MYBPC2: variants seen among roughly 807,000 people sequenced by gnomAD.
MYBPC2 encodes the protein myosin binding protein C2, also known as myosin-binding protein C, fast-type.
MYBPC2 carries 122 observed loss-of-function variants against 137.0 expected under a neutral mutation model. The observed-to-expected ratio is 0.89, with a 90% confidence interval of 0.77 to 1.03. MYBPC2 has a LOEUF of 1.03. MYBPC2 is among the 50% of genes least tolerant of loss of function. The pLI, the probability that MYBPC2 is intolerant of heterozygous loss-of-function variation, is 0.00. For synonymous variants in MYBPC2, 626 were observed against 612.3 expected (o/e 1.02, Z -0.33); for missense variants, 1,500 against 1,534.4 (o/e 0.98, Z 0.37).
In MYBPC2 at chr19:50,451,139, C is replaced by T. The variant is rs1007237702; in HGVS notation, c.1580-141C>T. ...ACCTGCCGCCCGGGAGGAGGGGTGG[C>T]TCCTGGGCCTGAACCTGTCTCCAGC... On this transcript the variant is annotated intron_variant, in intron 14 of 27. Transcript: ENST00000357701. 6 of 1,107,520 alleles carry T rather than the reference C, an allele frequency of 5.4e-6. No homozygotes were observed. In the African/African-American group the frequency reaches 7.8e-5, roughly 14 times the overall value. The allele number at this position is 1,107,520 out of a possible 1,614,324, so 68.6% of individuals were successfully genotyped here.
At chr19:50,444,871 C>A (rs1210544522) in intron 11 of MYBPC2, among the ~76,000 whole-genome samples, 1 of 113,690 alleles carries the variant, frequency 8.8e-6, no homozygotes, top group Non-Finnish European at 1.7e-5. Flanking sequence ...CACAGCGAGA[C>A]TCCGTCTCAA....
At position 50,454,386 on chromosome 19, in the gene MYBPC2, T is replaced by G; in HGVS notation, c.2014+17T>G. The G allele has an allele frequency of 1.3e-6, 2 of 1,508,522 alleles. No homozygotes were observed. The highest frequency in any genetic ancestry group is 1.8e-6 in the Non-Finnish European group (2 of 1,100,178). The allele number at this position is 1,508,522 out of a possible 1,614,324, so 93.4% of individuals were successfully genotyped here. ...CAGTCACCGGTGAGTGCCTCTGTCCTCATGACCTCTGACCTTCCCTCTTTC... is the reference window on the plus strand; with the variant it reads ...CAGTCACCGGTGAGTGCCTCTGTCCGCATGACCTCTGACCTTCCCTCTTTC... On this transcript the variant is annotated intron_variant, in intron 18 of 27. Coordinates refer to ENST00000357701, the MANE Select transcript of MYBPC2 (RefSeq NM_004533.4).
intron 18 of MYBPC2, 127 bp from the exon 19 acceptor site, chr19:50,454,981 C>A: frequency 1.3e-6 from 1 of 771,848 alleles, no homozygotes. Flanking sequence ...CCCTGAGATC[C>A]ACCTAAGATT....
At position 50,464,360 on chromosome 19, in the gene MYBPC2, G is replaced by C. The variant is rs2039995611; in HGVS notation, c.3243G>C (p.Trp1081Cys). ...ACTCTCAACAGCCGAAGGTGGTCTGGATGAAGAACAAGATGGAAATCCGTG... is the reference window on the plus strand; with the variant it reads ...ACTCTCAACAGCCGAAGGTGGTCTGCATGAAGAACAAGATGGAAATCCGTG... ...VRGHPKPKVV[W>C]MKNKMEIRED... The change falls in exon 27 of 28, where the codon TGG (tryptophan) becomes TGC (cysteine). Residue 1081 changes from tryptophan to cysteine, a missense_variant. By Grantham distance (215) the Trp-to-Cys change is radical. Coordinates refer to ENST00000357701, the MANE Select transcript of MYBPC2 (RefSeq NM_004533.4). 1 of 1,607,344 alleles carries C rather than the reference G, an allele frequency of 6.2e-7. No individual in the cohort carries two copies. Among genetic ancestry groups the C allele is most frequent in the Non-Finnish European group, 8.5e-7 (1 of 1,177,124 alleles).
In MYBPC2 at chr19:50,435,027, AGG is replaced by A; in HGVS notation, c.20-132_20-131del. On this transcript the variant is annotated intron_variant, in intron 1 of 27. Transcript: ENST00000357701. This position sits in a 1 kb window ranked among gnomAD's most constrained non-coding sequence, Gnocchi z 4.8. ...CTGGGGGCCTGGACTCCTGGGTCTG[AGG>A]GAGGAGGGGCTGGGGGCCTGGACTC... 1.8e-6 allele frequency: 1 copy of A among 555,958 alleles called. No homozygotes were observed. The highest frequency in any genetic ancestry group is 2.6e-5 in the African/African-American group (1 of 38,196). 34.4% of individuals were successfully genotyped at this position (555,958 alleles called of 1,614,324 possible). A position where few individuals can be genotyped will look rare whatever the true frequency, so the allele number is the denominator to read the frequency against.
At chr19:50,440,387 G>C (rs1415088842) in intron 7 of MYBPC2, among the ~76,000 whole-genome samples, 1 of 151,062 alleles carries the variant, frequency 6.6e-6, no homozygotes, top group African/African-American at 2.4e-5. Flanking sequence ...CTGCGGACCA[G>C]GCATGGTGGC....
rs747632658 is a variant in MYBPC2, at chr19:50,451,297, G to A, written c.1597G>A (p.Val533Ile). 1.2e-5 allele frequency: 19 copies of A among 1,613,506 alleles called. No homozygotes were observed. Among genetic ancestry groups the A allele is most frequent in the African/African-American group, 6.7e-5 (5 of 74,814 alleles). ...TCTTGCAGAAATCAAGGTGGAGTAC[G>A]TTCCCAAGCAAGGTGAGCACCACGG... The part of the protein sequence containing the change: ...LNFLEIKVEY[V>I]PKQEPPKIHL... The change falls in exon 15 of 28, where the codon GTT becomes ATT. Residue 533 changes from valine (V) to isoleucine (I), a missense_variant. Val to Ile is a conservative substitution (Grantham distance 29, BLOSUM62 3). Coordinates refer to ENST00000357701, the MANE Select transcript of MYBPC2 (RefSeq NM_004533.4).
intron 11 of MYBPC2, among the ~76,000 whole-genome samples, chr19:50,444,131 A>AGTCC (rs1302135061): frequency 7.0e-5 from 10 of 142,984 alleles, no homozygotes; most frequent in Admixed American, 2.9e-4. Flanking sequence ...TCATCCACCC[A>AGTCC]GTCCATCCAT....
At chr19:50,437,400 G>A in intron 5 of MYBPC2, 73 bp from the exon 6 acceptor site, 1 of 1,490,404 alleles carries the variant, frequency 6.7e-7, no homozygotes, top group Non-Finnish European at 9.2e-7. Flanking sequence ...GTGCAGGCCT[G>A]GAGAGGGGCT....
Position 50,452,020 on chromosome 19 carries a change from C to T in MYBPC2, c.1749+17C>T, listed in dbSNP as rs75197332. The T allele has an allele frequency of 7.9e-3, 12,200 of 1,551,030 alleles. 77 individuals are homozygous for T. Among genetic ancestry groups the T allele is most frequent in the Non-Finnish European group, 9.2e-3 (10,594 of 1,146,302 alleles). ...GGAGATGAGGTGGGTTGGGGCCGCC[C>T]CTCTGTCCTCACTCCCTTTCCGTTT... On this transcript the variant is annotated intron_variant, in intron 16 of 27. Coordinates refer to ENST00000357701, the MANE Select transcript of MYBPC2 (RefSeq NM_004533.4).
At chr19:50,460,637 C>T (rs1166478246) in intron 24 of MYBPC2, among the ~76,000 whole-genome samples, 1 of 152,232 alleles carries the variant, frequency 6.6e-6, no homozygotes, top group Non-Finnish European at 1.5e-5. Flanking sequence ...TAGCTCAGCA[C>T]AACGTCTTTG....
intron 14 of MYBPC2, 37 bp from the exon 15 acceptor site, chr19:50,451,243 G>C: frequency 6.2e-7 from 1 of 1,612,758 alleles, no homozygotes; most frequent in Non-Finnish European, 8.5e-7. Flanking sequence ...GGCCTGCTGA[G>C]TTTAGACCTA....
At chr19:50,461,469 C>T (rs779580727) in intron 24 of MYBPC2, 73 bp from the exon 25 acceptor site, 375 of 1,456,790 alleles carry the variant, frequency 2.6e-4, no homozygotes, top group Middle Eastern at 5.4e-4. Flanking sequence ...CCCCTTCTTT[C>T]GTCTGTGTCT....
chr19:50,464,490 G>A lies in MYBPC2; in HGVS notation c.3373G>A (p.Glu1125Lys), dbSNP rs200796385. 2.4e-5 allele frequency: 39 copies of A among 1,612,806 alleles called. No homozygotes were observed. In the East Asian group the frequency reaches 7.1e-4, roughly 30 times the overall value. ...GACTTACACCTGCCGGGCCGTCAAC[G>A]AGCTGGGCGAGGCGCTGGCTGAGTG... ...AGTYTCRAVNELGEALAECKL... is the reference protein window; with the variant it reads ...AGTYTCRAVNKLGEALAECKL... Residue 1125 changes from glutamate (E) to lysine (K), a missense_variant, in exon 27 of 28, where the codon GAG (glutamate) becomes AAG (lysine). By Grantham distance (56) the Glu-to-Lys change is moderately conservative. Transcript: ENST00000357701.
At chr19:50,457,007 C>T (rs919119512) in intron 20 of MYBPC2, among the ~76,000 whole-genome samples, 3 of 152,154 alleles carry the variant, frequency 2.0e-5, no homozygotes, top group Non-Finnish European at 2.9e-5. Context: ...GTGATCACCT[C>T]GACACACTAT....
chr19:50,443,681 C>T (rs373358196), intron 10 of MYBPC2, 30 bp from the exon 11 acceptor site: 360 of 1,611,190 alleles, frequency 2.2e-4, no homozygotes, highest in Non-Finnish European at 2.7e-4. Context: ...GGTCCTGAAA[C>T]GACTGACCTC....
At chr19:50,442,666 C>T (rs1325208878) in intron 9 of MYBPC2, among the ~76,000 whole-genome samples, 11 of 151,754 alleles carry the variant, frequency 7.2e-5, no homozygotes, top group African/African-American at 1.2e-4. Context: ...CAAGAGGTTG[C>T]GGTTGCGGTG....
Position 50,435,793 on chromosome 19 carries a change from C to A in MYBPC2, c.127C>A (p.Gln43Lys). ...EAPKEAPPED[Q>K]SPTAEEPTGV... is the part of the protein sequence containing the mutation. ...CTGAACAGAAGCCCCACCCGAGGACCAGTCCCCGACTGCAGAGGAGCCCAC... is the reference window on the plus strand; with the variant it reads ...CTGAACAGAAGCCCCACCCGAGGACAAGTCCCCGACTGCAGAGGAGCCCAC... Residue 43 changes from glutamine (Q) to lysine (K), a missense_variant, in exon 3 of 28, where the codon CAG (glutamine) becomes AAG (lysine). Transcript: ENST00000357701. This position sits in a 1 kb window ranked among gnomAD's most constrained non-coding sequence, Gnocchi z 4.8. 1 of 1,610,406 alleles carries A rather than the reference C, an allele frequency of 6.2e-7. No homozygotes were observed. Among genetic ancestry groups the A allele is most frequent in the Non-Finnish European group, 8.5e-7 (1 of 1,177,732 alleles).
rs777749471 is a variant in MYBPC2, at chr19:50,454,352, G to A, written c.1997G>A (p.Gly666Glu). Residue 666 changes from glycine to glutamate, a missense_variant, in exon 18 of 28, where the codon GGG becomes GAG. Coordinates refer to ENST00000357701, the MANE Select transcript of MYBPC2 (RefSeq NM_004533.4). ...ILVWEPPMYD[G>E]GKPVTGYLVE... ...GTCTGGGAGCCACCAATGTACGATG[G>A]GGGGAAGCCAGTCACCGGTGAGTGC... 1.6e-5 allele frequency: 25 copies of A among 1,610,764 alleles called. No homozygotes were observed. The highest frequency in any genetic ancestry group is 2.0e-5 in the Non-Finnish European group (23 of 1,177,896).
Sources: gnomAD v4.1 joint callset for allele counts (sites outside exome capture counted in the v4.1 genomes callset) on GRCh38, gnomAD v4.1.1 for gene constraint, Gnocchi (gnomAD v3.1) non-coding constraint, MANE v1.5 for transcripts, NCBI Gene and HGNC (gene_info 2026-07-23, HGNC 2026-07-21) for gene names.